The following PDE4D variants were observed in gnomAD, a reference collection of about 807,000 sequenced individuals.
PDE4D encodes phosphodiesterase 4D.
In PDE4D, 24 loss-of-function variants were observed where a neutral mutation model predicts 87.4. That is an observed-to-expected ratio of 0.27 (90% confidence interval 0.20 to 0.39). PDE4D has a LOEUF of 0.39. Ranked by LOEUF, PDE4D falls within the 10% of genes least tolerant of loss-of-function variation. The pLI is 1.00. For synonymous variants in PDE4D, 384 were observed against 383.2 expected, an observed-to-expected ratio of 1.00 and a Z score of -0.02; for missense variants, 714 against 1,041.0, an observed-to-expected ratio of 0.69 and a Z score of 4.32.
At chr5:59,473,499 A>T (rs1281474976) in intron 1 of PDE4D, among the ~76,000 whole-genome samples, 1 of 152,094 alleles carries the variant, frequency 6.6e-6, no homozygotes, top group Non-Finnish European at 1.5e-5. Flanking sequence ...TCCTTCCTAT[A>T]AAAAATGATC....
chr5:59,696,456 A>G (rs1351613133), intron 1 of PDE4D, among the ~76,000 whole-genome samples: 3 of 152,194 alleles, frequency 2.0e-5, no homozygotes, highest in Admixed American at 2.0e-4. Context: ...TATACATTAT[A>G]CAGCATGAAA....
At chr5:60,062,916 G>A (rs1028563835) in intron 2 of PDE4D, among the ~76,000 whole-genome samples, 2 of 151,678 alleles carry the variant, frequency 1.3e-5, no homozygotes, top group African/African-American at 4.8e-5. Flanking sequence ...GGCCTGTTGG[G>A]TCATGGGGGC....
chr5:59,500,443 G>T (rs1032794897), intron 1 of PDE4D, among the ~76,000 whole-genome samples: 1 of 152,142 alleles, frequency 6.6e-6, no homozygotes, highest in East Asian at 1.9e-4. Flanking sequence ...ATGAAATCAT[G>T]TTCCTTGCAG....
At chr5:59,872,693 T>A (rs1163932616) in intron 1 of PDE4D, among the ~76,000 whole-genome samples, 1 of 152,210 alleles carries the variant, frequency 6.6e-6, no homozygotes, top group Non-Finnish European at 1.5e-5. Context: ...TGAGGCAGTT[T>A]GGTCTCAGGG....
At position 60,050,220 on chromosome 5, in the gene PDE4D, G is replaced by A. The variant is rs376527987; in HGVS notation, c.43-61503C>T. On this transcript the variant is annotated intron_variant, in intron 2 of 16. Transcript: ENST00000502484. The stretch of plus-strand genomic sequence containing the variant: ...GTGAGGCAATGCCTCACCCTGCTTC[G>A]GCTCGCGCATGGTGCATGCACCCAC... 1.3e-3 allele frequency among the ~76,000 whole-genome samples: 194 copies of A among 152,184 alleles called. 2 individuals are homozygous for A. In the East Asian group the frequency reaches 0.029, roughly 23 times the overall value.
intron 1 of PDE4D, among the ~76,000 whole-genome samples, chr5:60,257,266 G>C (rs1269673170): frequency 1.4e-5 from 2 of 145,148 alleles, no homozygotes; most frequent in African/African-American, 5.6e-5. Context: ...AGAAAAGAAA[G>C]AGAGAAAGAG....
chr5:58,980,243 T>G (rs1744789884), intron 11 of PDE4D, among the ~76,000 whole-genome samples: 1 of 152,178 alleles, frequency 6.6e-6, no homozygotes, highest in Non-Finnish European at 1.5e-5. Context: ...CATACTCATA[T>G]AATCCTGTAC....
At chr5:59,789,005 A>C (rs1483766460) in intron 1 of PDE4D, among the ~76,000 whole-genome samples, 1 of 152,232 alleles carries the variant, frequency 6.6e-6, no homozygotes, top group Non-Finnish European at 1.5e-5. Context: ...CAACAGTACA[A>C]TACTGTTTCA....
rs1450767031 is a variant in PDE4D, at chr5:59,731,629, T to C, written c.455+161539A>G. On this transcript the variant is annotated intron_variant, in intron 1 of 14. Transcript: ENST00000340635. ...CTTTTTAGCACACCTGCCATACTTT[T>C]AAAACATGGCCATTTTGAAGGAGCT... Among the ~76,000 whole-genome samples the C allele has an allele frequency of 2.6e-5, 4 of 152,258 alleles. No individual in the cohort carries two copies. The East Asian group carries it at 7.7e-4, about 29-fold the overall frequency.
chr5:59,953,721 T>C (rs909283749), intron 3 of PDE4D, among the ~76,000 whole-genome samples: 4 of 152,324 alleles, frequency 2.6e-5, no homozygotes, highest in African/African-American at 9.6e-5. Context: ...ATTAATATTA[T>C]ATAATTCATT....
chr5:59,111,016 C>G (rs1047162280), intron 5 of PDE4D, among the ~76,000 whole-genome samples: 2 of 152,182 alleles, frequency 1.3e-5, no homozygotes, highest in African/African-American at 4.8e-5. Flanking sequence ...GCCTCCACAC[C>G]CAGGAGGATT....
chr5:59,587,889 G>T (rs1361251962), intron 1 of PDE4D, among the ~76,000 whole-genome samples: 1 of 152,028 alleles, frequency 6.6e-6, no homozygotes, highest in Non-Finnish European at 1.5e-5. Context: ...AATACGGAGG[G>T]AGGATTTTTT....
intron 1 of PDE4D, among the ~76,000 whole-genome samples, chr5:59,677,346 C>T (rs545422185): frequency 4.3e-4 from 66 of 152,118 alleles, no homozygotes; most frequent in South Asian, 2.5e-3. Flanking sequence ...CAAAAAGCAC[C>T]CTACTTAGCA....
intron 2 of PDE4D, among the ~76,000 whole-genome samples, chr5:60,181,361 T>A (rs773601649): frequency 6.6e-6 from 1 of 152,098 alleles, no homozygotes; most frequent in Non-Finnish European, 1.5e-5. Context: ...CTGGGAAAAA[T>A]TTCACCAGAT....
In PDE4D at chr5:58,973,471, G is replaced by A. The variant is rs1254222805; in HGVS notation, c.*1193C>T. On this transcript the variant is annotated 3_prime_UTR_variant, in exon 15 of 15. Transcript: ENST00000340635. ...TGAAATGTGTGGATTATTAGAGCAT[G>A]AAATGTGTGGATTATTAGAAAGACA... The A allele has an allele frequency of 6.6e-6, 1 of 152,400 alleles. No individual in the cohort carries two copies. The highest frequency in any genetic ancestry group is 1.5e-5 in the Non-Finnish European group (1 of 67,970). 9.4% of individuals were successfully genotyped at this position (152,400 alleles called of 1,614,324 possible).
At chr5:59,406,817 C>T (rs918290569) in intron 1 of PDE4D, among the ~76,000 whole-genome samples, 2 of 152,108 alleles carry the variant, frequency 1.3e-5, no homozygotes, top group African/African-American at 4.8e-5. Flanking sequence ...GATAACTTGT[C>T]ATCTGTCTAG....
rs143559492 is a variant in PDE4D, at chr5:59,280,780, G to C, written c.456-64812C>G. 4.0e-3 allele frequency among the ~76,000 whole-genome samples: 604 copies of C among 152,126 alleles called. 4 individuals carry two copies. The highest frequency in any genetic ancestry group is 0.014 in the African/African-American group (572 of 41,516). ...TGCATGGGTGAGGCTTGTGTACTGG[G>C]AGTTTTACTGCAGTATCATCAAGTG... On this transcript the variant is annotated intron_variant, in intron 1 of 14. Coordinates refer to ENST00000340635, the MANE Select transcript of PDE4D (RefSeq NM_001104631.2).
At chr5:59,585,255 C>A (rs935559936) in intron 1 of PDE4D, among the ~76,000 whole-genome samples, 1 of 152,138 alleles carries the variant, frequency 6.6e-6, no homozygotes, top group Non-Finnish European at 1.5e-5. Flanking sequence ...GATTTTTTAG[C>A]TGAAAGCCGA....
At chr5:59,687,785 A>G (rs1484134012) in intron 1 of PDE4D, among the ~76,000 whole-genome samples, 1 of 152,194 alleles carries the variant, frequency 6.6e-6, no homozygotes, top group Non-Finnish European at 1.5e-5. Context: ...AATTGGATAA[A>G]GAGTCAAGAC....
Sources: allele counts gnomAD v4.1 joint callset (sites outside exome capture counted in the v4.1 genomes callset), GRCh38; gene constraint gnomAD v4.1.1; transcripts MANE v1.5; gene names NCBI Gene and HGNC (gene_info 2026-07-23, HGNC 2026-07-21).